The following MGAT1 variants were observed in gnomAD, a reference collection of about 807,000 sequenced individuals.
The protein encoded by MGAT1 is N-glycosyl-oligosaccharide-glycoprotein N-acetylglucosaminyltransferase I.
MGAT1 carries 14 observed loss-of-function variants against 31.7 expected under a neutral mutation model. The observed-to-expected ratio is 0.44, with a 90% CI of 0.29 to 0.69. The LOEUF (loss-of-function observed/expected upper bound fraction) is 0.69. Ranked by LOEUF, MGAT1 falls within the 30% of genes least tolerant of loss-of-function variation. MGAT1 has a pLI of 0.12. For synonymous variants in MGAT1, 338 were observed against 276.0 expected, an observed-to-expected ratio of 1.22 and a Z score of -2.23; for missense variants, 557 against 626.0, an observed-to-expected ratio of 0.89 and a Z score of 1.18.
intron 1 of MGAT1, among the ~76,000 whole-genome samples, chr5:180,801,534 A>G (rs1442416573): frequency 6.6e-6 from 1 of 152,204 alleles, no homozygotes; most frequent in East Asian, 1.9e-4. Flanking sequence ...TAAATAATTC[A>G]AGAGTTGAGA....
At chr5:180,812,553 C>T (rs1243913070) in intron 1 of MGAT1, among the ~76,000 whole-genome samples, 1 of 152,048 alleles carries the variant, frequency 6.6e-6, no homozygotes, top group Non-Finnish European at 1.5e-5. Flanking sequence ...TTTTTATACA[C>T]ACGCACACAC....
At chr5:180,801,661 G>A (rs1237894247) in intron 1 of MGAT1, among the ~76,000 whole-genome samples, 1 of 152,198 alleles carries the variant, frequency 6.6e-6, no homozygotes, top group Non-Finnish European at 1.5e-5. Context: ...AGCAAGCCAG[G>A]CAACTTTGGA....
At chr5:180,796,743 C>T (rs1428441950) in intron 1 of MGAT1, among the ~76,000 whole-genome samples, 1 of 152,066 alleles carries the variant, frequency 6.6e-6, no homozygotes, top group Non-Finnish European at 1.5e-5. Context: ...TCCCGAGTAT[C>T]TGGGATTACA....
intron 1 of MGAT1, among the ~76,000 whole-genome samples, chr5:180,801,552 A>G (rs1357865896): frequency 6.6e-6 from 1 of 152,186 alleles, no homozygotes; most frequent in Non-Finnish European, 1.5e-5. Flanking sequence ...AGAGAATAAG[A>G]CCTAGGAGGG....
At chr5:180,814,172 T>C (rs1772727465) in intron 1 of MGAT1, among the ~76,000 whole-genome samples, 1 of 152,256 alleles carries the variant, frequency 6.6e-6, no homozygotes, top group South Asian at 2.1e-4. Flanking sequence ...GGGCTTCTCC[T>C]TACCCTGGCG....
rs1200736092 is a variant in MGAT1 at position 180,791,539 on chromosome 5, G to C, written c.*95C>G. 2 of 1,442,106 alleles carry C rather than the reference G, an allele frequency of 1.4e-6. No homozygotes were observed. Among genetic ancestry groups the C allele is most frequent in the South Asian group, 1.3e-5 (1 of 74,684 alleles). 89.3% of individuals were successfully genotyped at this position (1,442,106 alleles called of 1,614,324 possible). ...AAATCAAAAAGATAAATGCACCTAA[G>C]AGGGAAACACAGGCAGGCCGATGCA... On this transcript the variant is annotated 3_prime_UTR_variant, in exon 2 of 2. Transcript: ENST00000307826.
intron 1 of MGAT1, among the ~76,000 whole-genome samples, chr5:180,794,585 G>C (rs767132529): frequency 1.3e-5 from 2 of 152,138 alleles, no homozygotes; most frequent in Non-Finnish European, 2.9e-5. Context: ...CCAAGGCAAA[G>C]ATGGTCTTAT....
intron 1 of MGAT1, among the ~76,000 whole-genome samples, chr5:180,794,646 G>C (rs1214887772): frequency 6.6e-6 from 1 of 152,098 alleles, no homozygotes; most frequent in Non-Finnish European, 1.5e-5. Context: ...AATATGGTTT[G>C]TTCTCTGAAA....
At chr5:180,810,431 C>G (rs1297204827) in intron 1 of MGAT1, 1 of 152,638 alleles carries the variant, frequency 6.6e-6, no homozygotes, top group Non-Finnish European at 1.5e-5. Flanking sequence ...AGCGGCCGTA[C>G]AGGAGGGGGA....
chr5:180,811,983 G>A (rs529950983), intron 1 of MGAT1, among the ~76,000 whole-genome samples: 13 of 152,116 alleles, frequency 8.5e-5, no homozygotes, highest in Non-Finnish European at 1.9e-4. Context: ...TGACCAACCT[G>A]TTTAAACCTG....
chr5:180,792,046 G>A lies in MGAT1; in HGVS notation c.926C>T (p.Ser309Leu). 4 of 1,613,896 alleles carry A rather than the reference G, an allele frequency of 2.5e-6. No individual in the cohort carries two copies. The highest frequency in any genetic ancestry group is 3.4e-6 in the Non-Finnish European group (4 of 1,180,032). ...QGRACIRPEI[S>L]RTMTFGRKGV... ...CTTGCGGCCAAAGGTCATCGTTCTT[G>A]AGATCTCAGGGCGTATGCAGGCCCG... The change falls in exon 2 of 2, where the codon TCA becomes TTA. Residue 309 changes from serine to leucine, a missense_variant. Coordinates refer to ENST00000307826, the MANE Select transcript of MGAT1 (RefSeq NM_002406.4).
rs1393605306 is a variant in MGAT1, at chr5:180,787,490, T to G, written c.*4144A>C. On this transcript the variant is annotated 3_prime_UTR_variant, in exon 2 of 2. Transcript: ENST00000307826. ...AAAGTTACACAGCCAGACAAATATG[T>G]ACATAACACTATGGGTTTTGGTGGT... The G allele has an allele frequency of 1.3e-5, 2 of 152,256 alleles. No homozygotes were observed. The highest frequency in any genetic ancestry group is 4.8e-5 in the African/African-American group (2 of 41,464). 9.4% of individuals were successfully genotyped at this position (152,256 alleles called of 1,614,324 possible). A position where few individuals can be genotyped will look rare whatever the true frequency, so the allele number is the denominator to read the frequency against.
chr5:180,799,604 G>A lies in MGAT1; in HGVS notation c.-127+3076C>T, dbSNP rs138863511. 4.4e-3 allele frequency among the ~76,000 whole-genome samples: 676 copies of A among 152,352 alleles called. 4 individuals carry two copies. Among genetic ancestry groups the A allele is most frequent in the African/African-American group, 0.015 (612 of 41,584 alleles). On this transcript the variant is annotated intron_variant, in intron 1 of 1. Transcript: ENST00000307826. The stretch of plus-strand genomic sequence containing the variant: ...CTTGGCACATGTATGAGGTTCAAGT[G>A]GCTGGATGGAAGACTGCTTGCACTA...
intron 1 of MGAT1, among the ~76,000 whole-genome samples, chr5:180,798,749 T>A (rs1465195946): frequency 6.6e-6 from 1 of 152,266 alleles, no homozygotes; most frequent in Non-Finnish European, 1.5e-5. Flanking sequence ...TCTCCTGCTG[T>A]GGCTATTCAT....
chr5:180,792,683 C>T lies in MGAT1; in HGVS notation c.289G>A (p.Val97Met). The T allele has an allele frequency of 6.4e-7, 1 of 1,567,494 alleles. No individual in the cohort carries two copies. The highest frequency in any genetic ancestry group is 8.6e-7 in the Non-Finnish European group (1 of 1,157,798). The part of the protein sequence containing the change: ...PTAAPPAQPR[V>M]PVTPAPAVIP... ...ACCGCCGGCGCGGGGGTCACAGGCA[C>T]ACGCGGCTGGGCGGGAGGGGCCGCG... The change falls in exon 2 of 2, where the codon GTG becomes ATG. Residue 97 changes from valine to methionine, a missense_variant. Physicochemically the swap from Val to Met is conservative, Grantham distance 21. Around this residue, in one of 3 missense-constraint regions of MGAT1, gnomAD observed 167 missense variants for 149.8 expected, o/e 1.11. Transcript: ENST00000307826.
At chr5:180,811,455 C>T (rs1256144091) in intron 1 of MGAT1, 2 of 152,242 alleles carry the variant, frequency 1.3e-5, no homozygotes, top group Non-Finnish European at 1.5e-5. Flanking sequence ...AAACCTTCTC[C>T]GCCCACCTGT....
At position 180,787,135 on chromosome 5, in the gene MGAT1, C is replaced by A. The variant is rs933200077; in HGVS notation, c.*4499G>T. The A allele has an allele frequency of 6.6e-6, 1 of 152,448 alleles. No homozygotes were observed. Among genetic ancestry groups the A allele is most frequent in the Non-Finnish European group, 1.5e-5 (1 of 68,200 alleles). The allele number at this position is 152,448 out of a possible 1,614,324, so 9.4% of individuals were successfully genotyped here. On this transcript the variant is annotated 3_prime_UTR_variant, in exon 2 of 2. Coordinates refer to ENST00000307826, the MANE Select transcript of MGAT1 (RefSeq NM_002406.4). ...AGAAGGTTGTGTTACCCCCGCCTCA[C>A]AGGAAGAGGCTCTGGCAGGAAGAAC...
At chr5:180,794,097 G>A (rs1053402558) in intron 1 of MGAT1, among the ~76,000 whole-genome samples, 5 of 152,006 alleles carry the variant, frequency 3.3e-5, no homozygotes, top group Non-Finnish European at 7.4e-5. Context: ...ACTGCATACT[G>A]GCCAGATGCA....
intron 1 of MGAT1, among the ~76,000 whole-genome samples, chr5:180,814,005 T>C (rs1230414541): frequency 6.6e-6 from 1 of 152,236 alleles, no homozygotes; most frequent in Non-Finnish European, 1.5e-5. Flanking sequence ...ATAGTAAATT[T>C]TAATAACTGG....
Sources: gnomAD v4.1 joint callset for allele counts (sites outside exome capture counted in the v4.1 genomes callset) on GRCh38, gnomAD v4.1.1 for gene constraint, gnomAD v4.1.1 regional missense constraint, MANE v1.5 for transcripts, NCBI Gene and HGNC (gene_info 2026-07-23, HGNC 2026-07-21) for gene names.